Variants in SWAP70 observed in about 807,000 individuals in gnomAD.
SWAP70 encodes switch-associated protein 70.
SWAP70 carries 34 observed loss-of-function variants against 80.2 expected under a neutral mutation model. The observed-to-expected ratio is 0.42, with a 90% confidence interval of 0.32 to 0.56. The LOEUF (loss-of-function observed/expected upper bound fraction) is 0.56. Among genes scored for constraint, SWAP70 ranks in the 20% least tolerant of loss-of-function variants. The probability of loss-of-function intolerance (pLI) is 0.09; values close to 1 mark genes in which losing one functional copy is unlikely to be tolerated. For missense variants in SWAP70, 578 were observed against 690.7 expected, an observed-to-expected ratio of 0.84 and a Z score of 1.83; for synonymous variants, 239 against 238.5, an observed-to-expected ratio of 1.00 and a Z score of -0.02.
chr11:9,733,808 G>T (rs1272519696), intron 7 of SWAP70, among the ~76,000 whole-genome samples: 1 of 152,138 alleles, frequency 6.6e-6, no homozygotes, highest in Non-Finnish European at 1.5e-5. Flanking sequence ...GAATGGTGGG[G>T]AGCTAGAACT....
At chr11:9,712,154 A>G (rs1851006692) in intron 2 of SWAP70, among the ~76,000 whole-genome samples, 1 of 152,124 alleles carries the variant, frequency 6.6e-6, no homozygotes, top group South Asian at 2.1e-4. Context: ...GCTTATCTCT[A>G]TTACAGTACT....
chr11:9,678,003 A>G (rs180978278), intron 1 of SWAP70, among the ~76,000 whole-genome samples: 247 of 152,342 alleles, frequency 1.6e-3, no homozygotes, highest in Non-Finnish European at 2.5e-3. Flanking sequence ...TGCTAGTTAC[A>G]AAGGTAATTC....
At chr11:9,674,072 G>C (rs1389945123) in intron 1 of SWAP70, among the ~76,000 whole-genome samples, 1 of 151,986 alleles carries the variant, frequency 6.6e-6, no homozygotes, top group African/African-American at 2.4e-5. Flanking sequence ...GCTAATTTTT[G>C]TATTTTTTAG....
At chr11:9,729,973 A>G (rs546631833) in intron 6 of SWAP70, among the ~76,000 whole-genome samples, 1 of 152,346 alleles carries the variant, frequency 6.6e-6, no homozygotes, top group Non-Finnish European at 1.5e-5. Context: ...TGGGAGATTT[A>G]CTTTTTAAAT....
chr11:9,729,432 G>A lies in SWAP70; in HGVS notation c.879G>A (p.Lys293=), dbSNP rs555585510. ...AAATCAGTGCTTCAGATAAGAAGAA[G>A]AAACAGGAGTGGATTCAAGGTAAGG... ...TFEISASDKK[K]KQEWIQAIHS... Residue 293 remains lysine, a synonymous_variant, in exon 6 of 12, where the codon AAG becomes AAA. Coordinates refer to ENST00000318950, the MANE Select transcript of SWAP70 (RefSeq NM_015055.4). 8.1e-6 allele frequency: 13 copies of A among 1,609,924 alleles called. 1 individual carries two copies. In the South Asian group the frequency reaches 1.4e-4, roughly 18 times the overall value.
At chr11:9,714,958 C>G (rs1413056843) in intron 3 of SWAP70, among the ~76,000 whole-genome samples, 1 of 149,086 alleles carries the variant, frequency 6.7e-6, no homozygotes, top group African/African-American at 2.5e-5. Flanking sequence ...AGGTGCCTGC[C>G]ACCACACCTG....
chr11:9,725,531 AT>A (rs1395825379), intron 4 of SWAP70, among the ~76,000 whole-genome samples: 10 of 31,566 alleles, frequency 3.2e-4, no homozygotes, highest in Middle Eastern at 0.019. Flanking sequence ...AAAATACAAA[AT>A]ATATATATAT....
At chr11:9,674,719 CT>C (rs1850464797) in intron 1 of SWAP70, among the ~76,000 whole-genome samples, 1 of 151,964 alleles carries the variant, frequency 6.6e-6, no homozygotes. Context: ...AATCCCAGCA[CT>C]TTGGGAGGCC....
chr11:9,671,644 A>ATG (rs1850399867), intron 1 of SWAP70, among the ~76,000 whole-genome samples: 4 of 97,452 alleles, frequency 4.1e-5, no homozygotes, highest in African/African-American at 1.1e-4. Flanking sequence ...AAATATTTCT[A>ATG]TATAAATATA....
At chr11:9,732,749 C>T (rs1190570076) in intron 7 of SWAP70, 39 bp downstream of exon 7, 54 of 1,506,594 alleles carry the variant, frequency 3.6e-5, no homozygotes, top group Non-Finnish European at 4.6e-5. Context: ...GCCCTTCATT[C>T]CCCTGCAGAA....
At chr11:9,707,875 T>C (rs1274599733) in intron 2 of SWAP70, among the ~76,000 whole-genome samples, 1 of 145,628 alleles carries the variant, frequency 6.9e-6, no homozygotes, top group Non-Finnish European at 1.5e-5. Context: ...TTTTAAAAAA[T>C]TTAAAAAAAA....
Position 9,738,392 on chromosome 11 carries a change from G to A in SWAP70, c.1188+72G>A, listed in dbSNP as rs1206267226. The A allele has an allele frequency of 2.7e-6, 3 of 1,121,788 alleles. No individual in the cohort carries two copies. In the African/African-American group the frequency reaches 4.8e-5, roughly 18 times the overall value. 69.5% of individuals were successfully genotyped at this position (1,121,788 alleles called of 1,614,324 possible). On this transcript the variant is annotated intron_variant, in intron 8 of 11. Transcript: ENST00000318950. ...GGTCGGTGGGAACAGGGAAGGGCTG[G>A]AGGCTACAGTGAGGCATGTCATCAG...
At position 9,713,594 on chromosome 11, in the gene SWAP70, C is replaced by CT; in HGVS notation, c.374dup (p.Leu125PhefsTer3). 4 of 1,613,858 alleles carry CT rather than the reference C, an allele frequency of 2.5e-6. No homozygotes were observed. Among genetic ancestry groups the CT allele is most frequent in the Non-Finnish European group, 3.4e-6 (4 of 1,179,914 alleles). On this transcript the variant is annotated frameshift_variant, in exon 3 of 12. Coordinates refer to ENST00000318950, the MANE Select transcript of SWAP70 (RefSeq NM_015055.4). LOFTEE classifies it high-confidence loss of function. The stretch of plus-strand genomic sequence containing the variant: ...CATTTAAAATATGGGTTATTTTCAA[C>CT]TTTTTATCTGAGGACAAGTATCCAT...
At chr11:9,675,370 A>C (rs905074982) in intron 1 of SWAP70, among the ~76,000 whole-genome samples, 17 of 33,464 alleles carry the variant, frequency 5.1e-4, no homozygotes, top group East Asian at 1.8e-3. Context: ...AGAGAGAGAG[A>C]GAGAGAGAGA....
At chr11:9,680,636 G>A (rs1246794732) in intron 1 of SWAP70, among the ~76,000 whole-genome samples, 5 of 151,992 alleles carry the variant, frequency 3.3e-5, no homozygotes, top group African/African-American at 1.2e-4. Context: ...GGCTGGTGTC[G>A]AACTCCTGAC....
intron 3 of SWAP70, among the ~76,000 whole-genome samples, chr11:9,719,418 C>T (rs1851107872): frequency 6.6e-6 from 1 of 151,954 alleles, no homozygotes; most frequent in Admixed American, 6.6e-5. Context: ...TGTGGTGGTG[C>T]ATGCCTGTAA....
At chr11:9,701,296 C>A (rs1000018905) in intron 2 of SWAP70, among the ~76,000 whole-genome samples, 6 of 151,768 alleles carry the variant, frequency 4.0e-5, no homozygotes, top group Non-Finnish European at 7.4e-5. Context: ...CTCAGCCTCC[C>A]GAGTAGCTGG....
chr11:9,726,420 A>G (rs1851226260), intron 4 of SWAP70, among the ~76,000 whole-genome samples: 2 of 152,096 alleles, frequency 1.3e-5, no homozygotes, highest in Admixed American at 6.6e-5. Flanking sequence ...CTAATGGAGC[A>G]CATCATAAAT....
At chr11:9,719,212 C>T (rs1988044) in intron 3 of SWAP70, among the ~76,000 whole-genome samples, 1 of 151,918 alleles carries the variant, frequency 6.6e-6, no homozygotes, top group Non-Finnish European at 1.5e-5. Flanking sequence ...CGAGACCAGC[C>T]TGGGCAACAT....
Sources: allele counts gnomAD v4.1 joint callset (sites outside exome capture counted in the v4.1 genomes callset), GRCh38; gene constraint gnomAD v4.1.1; transcripts MANE v1.5; gene names NCBI Gene and HGNC (gene_info 2026-07-23, HGNC 2026-07-21).